CNTN3: variants seen among roughly 807,000 people sequenced by gnomAD.
CNTN3 encodes the protein contactin-3.
Under a neutral mutation model 119.1 loss-of-function variants are expected in CNTN3, and 60 were observed. The observed-to-expected ratio is 0.50, with a 90% CI of 0.41 to 0.62. The LOEUF is 0.62. Ranked by LOEUF, CNTN3 falls within the 20% of genes least tolerant of loss-of-function variation. The probability of loss-of-function intolerance (pLI) is 0.00; values close to 1 mark genes in which losing one functional copy is unlikely to be tolerated. For synonymous variants in CNTN3, 450 were observed against 438.7 expected (o/e 1.03, Z -0.32); for missense variants, 1,101 against 1,242.4 (o/e 0.89, Z 1.71).
intron 5 of CNTN3, among the ~76,000 whole-genome samples, chr3:74,403,673 CT>C (rs1021807214): frequency 2.0e-5 from 3 of 152,036 alleles, no homozygotes; most frequent in Non-Finnish European, 4.4e-5. Context: ...AGAGCTCATC[CT>C]TTTATTAAAA....
At chr3:74,284,215 A>G (rs1354732030) in intron 20 of CNTN3, among the ~76,000 whole-genome samples, 1 of 152,192 alleles carries the variant, frequency 6.6e-6, no homozygotes, top group East Asian at 1.9e-4. Context: ...ATTTTAGACA[A>G]AAAAGTATGT....
chr3:74,276,189 A>C (rs1202884941), intron 20 of CNTN3, among the ~76,000 whole-genome samples: 1 of 152,202 alleles, frequency 6.6e-6, no homozygotes, highest in Admixed American at 6.5e-5. Flanking sequence ...ACACAATAAT[A>C]GTGGGGGACT....
At chr3:74,587,838 A>G (rs1222032325) in intron 1 of CNTN3, among the ~76,000 whole-genome samples, 1 of 152,182 alleles carries the variant, frequency 6.6e-6, no homozygotes, top group Non-Finnish European at 1.5e-5. Context: ...TATGTTGAAT[A>G]GGAGGCGTGA....
chr3:74,571,823 A>G (rs1704339908), intron 1 of CNTN3, among the ~76,000 whole-genome samples: 1 of 152,184 alleles, frequency 6.6e-6, no homozygotes, highest in Admixed American at 6.5e-5. Flanking sequence ...ACTTTATTAA[A>G]AATGTTTTAT....
At chr3:74,438,651 A>G (rs1701911488) in intron 4 of CNTN3, among the ~76,000 whole-genome samples, 1 of 152,092 alleles carries the variant, frequency 6.6e-6, no homozygotes, top group Non-Finnish European at 1.5e-5. Context: ...CCTTCCCCCT[A>G]GTTAGTAGAG....
At chr3:74,440,011 G>C (rs548049176) in intron 4 of CNTN3, among the ~76,000 whole-genome samples, 17 of 152,190 alleles carry the variant, frequency 1.1e-4, no homozygotes, top group South Asian at 8.3e-4. Context: ...AAAGACCCAA[G>C]GCAATGATAA....
chr3:74,440,405 C>T (rs969361659), intron 4 of CNTN3, among the ~76,000 whole-genome samples: 5 of 151,698 alleles, frequency 3.3e-5, no homozygotes, highest in Non-Finnish European at 5.9e-5. Context: ...ATCTTAGATC[C>T]CTACCTTGCA....
intron 1 of CNTN3, among the ~76,000 whole-genome samples, chr3:74,580,909 G>T (rs1263683529): frequency 1.3e-5 from 2 of 152,070 alleles, no homozygotes; most frequent in Non-Finnish European, 2.9e-5. Context: ...TGCAGATGGG[G>T]TCTTGCCATG....
chr3:74,407,334 T>A (rs1701346631), intron 5 of CNTN3, among the ~76,000 whole-genome samples: 1 of 139,258 alleles, frequency 7.2e-6, no homozygotes, highest in African/African-American at 2.6e-5. Context: ...AATGGCGCAA[T>A]CTCAGCTCAC....
At position 74,406,481 on chromosome 3, in the gene CNTN3, T is replaced by C. The variant is rs181424271; in HGVS notation, c.454+18364A>G. On this transcript the variant is annotated intron_variant, in intron 5 of 22. Coordinates refer to ENST00000263665, the MANE Select transcript of CNTN3 (RefSeq NM_020872.3). ...ATTTAAACATGCTAAATTTTCTAAATGTTCCATAATAAGCATCGTTGCTTT... is the reference window on the plus strand; with the variant it reads ...ATTTAAACATGCTAAATTTTCTAAACGTTCCATAATAAGCATCGTTGCTTT... Among the ~76,000 whole-genome samples the C allele has an allele frequency of 3.5e-3, 538 of 152,126 alleles. 4 individuals carry two copies. The highest frequency in any genetic ancestry group is 0.011 in the Admixed American group (161 of 15,280).
chr3:74,296,070 C>T (rs1223311411), intron 18 of CNTN3, among the ~76,000 whole-genome samples: 7 of 152,098 alleles, frequency 4.6e-5, no homozygotes, highest in Non-Finnish European at 1.0e-4. Flanking sequence ...TTCTGAGGTT[C>T]CAGGGCTTCT....
intron 19 of CNTN3, among the ~76,000 whole-genome samples, chr3:74,289,961 A>T (rs568458284): frequency 1.3e-5 from 2 of 152,290 alleles, no homozygotes; most frequent in Admixed American, 1.3e-4. Flanking sequence ...AGACACTGTG[A>T]CGGTTCTATG....
chr3:74,518,277 G>A (rs189413145), intron 2 of CNTN3, among the ~76,000 whole-genome samples: 15 of 151,932 alleles, frequency 9.9e-5, no homozygotes, highest in Admixed American at 3.9e-4. Context: ...TCTCACATGC[G>A]TACTCTGATA....
At chr3:74,356,654 G>T (rs991818935) in intron 11 of CNTN3, among the ~76,000 whole-genome samples, 1 of 152,104 alleles carries the variant, frequency 6.6e-6, no homozygotes, top group East Asian at 1.9e-4. Flanking sequence ...GAACTTAAAT[G>T]TAAGAGCCCA....
At chr3:74,436,084 G>A (rs1454890171) in intron 4 of CNTN3, among the ~76,000 whole-genome samples, 7 of 152,202 alleles carry the variant, frequency 4.6e-5, no homozygotes, top group African/African-American at 1.7e-4. Context: ...GCATATACAT[G>A]TGTACATGAA....
chr3:74,536,123 A>G (rs904351423), intron 1 of CNTN3, among the ~76,000 whole-genome samples: 1 of 152,088 alleles, frequency 6.6e-6, no homozygotes, highest in Admixed American at 6.6e-5. Flanking sequence ...GTTATGTAAG[A>G]AGGTATTACA....
intron 1 of CNTN3, among the ~76,000 whole-genome samples, chr3:74,613,269 C>CT (rs758332591): frequency 0.015 from 1,981 of 132,452 alleles, 21 homozygotes; most frequent in South Asian, 0.026. Context: ...AGTCTTCCTA[C>CT]TTTTTTTTTT....
chr3:74,601,286 A>G (rs533401198), intron 1 of CNTN3, among the ~76,000 whole-genome samples: 1 of 152,174 alleles, frequency 6.6e-6, no homozygotes, highest in East Asian at 1.9e-4. Context: ...AATTTGCCCA[A>G]GGTAAGAAAC....
rs149807718 is a variant in CNTN3, at chr3:74,381,097, C to T, written c.455-9698G>A. Reference sequence around the variant, plus strand: ...TCTCTCTCTCTCTCTCACACACACACACACGCACACATAAACACACACGCA... The same window carrying T: ...TCTCTCTCTCTCTCTCACACACACATACACGCACACATAAACACACACGCA... On this transcript the variant is annotated intron_variant, in intron 5 of 22. Coordinates refer to ENST00000263665, the MANE Select transcript of CNTN3 (RefSeq NM_020872.3). Among the ~76,000 whole-genome samples the T allele has an allele frequency of 1.5e-3, 219 of 151,018 alleles. 1 individual carries two copies. Among genetic ancestry groups the T allele is most frequent in the African/African-American group, 5.1e-3 (208 of 41,048 alleles).
Sources: allele counts gnomAD v4.1 joint callset (sites outside exome capture counted in the v4.1 genomes callset), GRCh38; gene constraint gnomAD v4.1.1; transcripts MANE v1.5; gene names NCBI Gene and HGNC (gene_info 2026-07-23, HGNC 2026-07-21).